The following GPHN variants were observed in gnomAD, a reference collection of about 807,000 sequenced individuals.
GPHN encodes the protein gephyrin.
In GPHN, 17 loss-of-function variants were observed where a neutral mutation model predicts 95.5. That is an observed-to-expected ratio of 0.18 (90% CI 0.12 to 0.27). GPHN has a LOEUF of 0.27. Ranked by LOEUF, GPHN falls within the 10% of genes least tolerant of loss-of-function variation. The pLI, the probability that GPHN is intolerant of heterozygous loss-of-function variation, is 1.00. For missense variants in GPHN, 660 were observed against 978.1 expected (o/e 0.67, Z 4.34); for synonymous variants, 320 against 322.5 (o/e 0.99, Z 0.08).
In GPHN at chr14:67,084,330, A is replaced by G. The variant is rs555975558; in HGVS notation, c.1145-4653A>G. Among the ~76,000 whole-genome samples the G allele has an allele frequency of 6.6e-5, 10 of 152,230 alleles. No individual in the cohort carries two copies. In the East Asian group the frequency reaches 1.7e-3, roughly 26 times the overall value. ...CTTAAAAATCCCTTATTGGATTCCC[A>G]TTTTTACAAAATTAGGTTTAAACTC... On this transcript the variant is annotated intron_variant, in intron 11 of 22. Coordinates refer to ENST00000478722, the MANE Select transcript of GPHN (RefSeq NM_020806.5).
chr14:67,426,474 A>C, the GPHN span, among the ~76,000 whole-genome samples: 4 of 152,226 alleles, frequency 2.6e-5, no homozygotes, highest in Non-Finnish European at 5.9e-5. Flanking sequence ...TGTGCCCCTT[A>C]AAACACAAGT....
chr14:67,123,515 A>G (rs891218451), intron 17 of GPHN, among the ~76,000 whole-genome samples: 4 of 152,144 alleles, frequency 2.6e-5, no homozygotes, highest in Admixed American at 1.3e-4. Context: ...TCTCTACTAC[A>G]AAATAGAAAA....
the GPHN span, among the ~76,000 whole-genome samples, chr14:67,539,203 G>A: frequency 6.6e-6 from 1 of 152,140 alleles, no homozygotes; most frequent in African/African-American, 2.4e-5. Context: ...GAAGCCTCCC[G>A]GCCTTCTCTG....
Position 66,715,420 on chromosome 14 carries a change from A to G in GPHN, c.143+34235A>G, listed in dbSNP as rs7147521. Reference sequence around the variant, plus strand: ...TCTATCAATTTTATTTATCTTTTCAAAGAATCAGCTTTTTGTTTCATTTAT... The same window carrying G: ...TCTATCAATTTTATTTATCTTTTCAGAGAATCAGCTTTTTGTTTCATTTAT... On this transcript the variant is annotated intron_variant, in intron 2 of 22. Coordinates refer to ENST00000478722, the MANE Select transcript of GPHN (RefSeq NM_020806.5). 8.3e-3 allele frequency among the ~76,000 whole-genome samples: 1,263 copies of G among 152,104 alleles called. 14 individuals are homozygous for G. Among genetic ancestry groups the G allele is most frequent in the African/African-American group, 0.029 (1,194 of 41,524 alleles).
chr14:67,449,134 C>A, the GPHN span, among the ~76,000 whole-genome samples: 1 of 152,214 alleles, frequency 6.6e-6, no homozygotes, highest in Non-Finnish European at 1.5e-5. Flanking sequence ...GCTCAGACTG[C>A]TGAAGATGGG....
chr14:66,559,922 T>C (rs999643174), intron 1 of GPHN, among the ~76,000 whole-genome samples: 2 of 152,140 alleles, frequency 1.3e-5, no homozygotes, highest in African/African-American at 2.4e-5. Context: ...TTGTATAAGG[T>C]GTAAGGAAGG....
the GPHN span, chr14:67,575,789 G>C: frequency 6.4e-7 from 1 of 1,564,670 alleles, no homozygotes. Flanking sequence ...ATCCCCCACT[G>C]GCTCTCCCAT....
the GPHN span, chr14:67,589,309 G>A: frequency 2.1e-6 from 2 of 972,176 alleles, no homozygotes; most frequent in Non-Finnish European, 2.4e-6. Flanking sequence ...AGAAACAAAG[G>A]ATTCAATATT....
At chr14:66,780,727 T>G (rs935380418) in intron 3 of GPHN, among the ~76,000 whole-genome samples, 1 of 152,146 alleles carries the variant, frequency 6.6e-6, no homozygotes, top group Non-Finnish European at 1.5e-5. Flanking sequence ...TTCAAAGTAC[T>G]CAAAGAAAAA....
intron 1 of GPHN, among the ~76,000 whole-genome samples, chr14:66,557,237 GTAGATAGATAGATAGA>G (rs201752462): frequency 1.8e-4 from 25 of 142,006 alleles, no homozygotes; most frequent in South Asian, 4.5e-4. Flanking sequence ...ACATAGGTAG[GTAGATAGATAGATAGA>G]TAGATAGATA....
chr14:67,729,179 T>C, the GPHN span: 283 of 1,612,904 alleles, frequency 1.8e-4, no homozygotes, highest in African/African-American at 3.4e-3. Flanking sequence ...AATTGTGCCC[T>C]CTTTGTCCCA....
chr14:67,562,289 C>A, the GPHN span: 2 of 1,613,668 alleles, frequency 1.2e-6, no homozygotes, highest in African/African-American at 1.3e-5. Flanking sequence ...TGCACCTTCC[C>A]CAGGTGCCCT....
At chr14:67,579,076 G>A in the GPHN span, 6 of 1,251,724 alleles carry the variant, frequency 4.8e-6, no homozygotes, top group Non-Finnish European at 5.7e-6. Context: ...GGGATCCGGG[G>A]TGCCAAAGTG....
intron 10 of GPHN, among the ~76,000 whole-genome samples, chr14:67,039,655 G>T (rs932292778): frequency 1.3e-5 from 2 of 152,094 alleles, no homozygotes; most frequent in African/African-American, 4.8e-5. Context: ...TTAGTTGGAT[G>T]TGGTGGCACA....
the GPHN span, chr14:67,350,689 G>T: frequency 1.9e-6 from 3 of 1,613,010 alleles, no homozygotes; most frequent in Admixed American, 3.3e-5. Flanking sequence ...CAACATTTTA[G>T]TCTGGAAAAG....
chr14:66,811,001 G>A (rs4141702), intron 3 of GPHN, among the ~76,000 whole-genome samples: 49,511 of 152,092 alleles, frequency 0.33, 12,857 homozygotes, highest in African/African-American at 0.7. Flanking sequence ...TTTAAAGTAT[G>A]CAGAATATTG....
intron 3 of GPHN, among the ~76,000 whole-genome samples, chr14:66,787,032 A>C (rs2153467901): frequency 6.6e-6 from 1 of 152,296 alleles, no homozygotes; most frequent in Admixed American, 6.5e-5. Context: ...GTAACGCAAG[A>C]ATATGTGCTA....
intron 5 of GPHN, among the ~76,000 whole-genome samples, chr14:66,890,405 T>C (rs1352637547): frequency 2.4e-5 from 3 of 125,554 alleles, no homozygotes; most frequent in African/African-American, 1.2e-4. Flanking sequence ...AGTGAGACCC[T>C]GTCTCAAAAA....
At chr14:67,381,386 G>A in the GPHN span, among the ~76,000 whole-genome samples, 3 of 152,036 alleles carry the variant, frequency 2.0e-5, no homozygotes, top group Non-Finnish European at 2.9e-5. Flanking sequence ...TTTCTAAACC[G>A]TTTTAGATAA....
Sources: allele counts gnomAD v4.1 joint callset (sites outside exome capture counted in the v4.1 genomes callset), GRCh38; gene constraint gnomAD v4.1.1; transcripts MANE v1.5; gene names NCBI Gene and HGNC (gene_info 2026-07-23, HGNC 2026-07-21).